Variants in GRM5 observed in about 807,000 individuals in gnomAD.
The protein encoded by GRM5 is glutamate metabotropic receptor 5, also known as metabotropic glutamate receptor 5.
In GRM5, 19 loss-of-function variants were observed where a neutral mutation model predicts 83.1. The ratio of observed to expected loss-of-function variants is 0.23; its 90% CI spans 0.16 to 0.34. The LOEUF is 0.34. Ranked by LOEUF, GRM5 falls within the 10% of genes least tolerant of loss-of-function variation. GRM5 has a pLI of 1.00. For synonymous variants in GRM5, 675 were observed against 633.6 expected, an observed-to-expected ratio of 1.07 and a Z score of -0.98; for missense variants, 1,160 against 1,588.3, an observed-to-expected ratio of 0.73 and a Z score of 4.58.
chr11:89,053,336 T>A (rs1042498222), intron 1 of GRM5, among the ~76,000 whole-genome samples: 9 of 152,088 alleles, frequency 5.9e-5, no homozygotes, highest in Non-Finnish European at 1.2e-4. Flanking sequence ...AATACACTTT[T>A]AAAAAAATCA....
At chr11:88,822,185 T>C (rs1404991986) in intron 3 of GRM5, among the ~76,000 whole-genome samples, 1 of 152,202 alleles carries the variant, frequency 6.6e-6, no homozygotes, top group Non-Finnish European at 1.5e-5. Flanking sequence ...CTGGAATTTA[T>C]ATCTTAGTTG....
At chr11:88,702,845 C>T (rs961512831) in intron 3 of GRM5, among the ~76,000 whole-genome samples, 3 of 152,092 alleles carry the variant, frequency 2.0e-5, no homozygotes, top group Admixed American at 6.6e-5. Context: ...GAGTAGGCAG[C>T]TTGAGGTCAA....
chr11:89,009,158 A>G (rs1456397429), intron 2 of GRM5: 1 of 694,114 alleles, frequency 1.4e-6, no homozygotes, highest in Non-Finnish European at 2.6e-6. Context: ...TTATAAGTTA[A>G]TTTTAAGTGT....
chr11:88,971,282 T>C (rs187710427), intron 2 of GRM5, among the ~76,000 whole-genome samples: 4 of 152,308 alleles, frequency 2.6e-5, no homozygotes, highest in East Asian at 3.9e-4. Flanking sequence ...TAAATTTAAC[T>C]GTTTTTAACT....
At chr11:89,035,424 T>C (rs1419660890) in intron 2 of GRM5, among the ~76,000 whole-genome samples, 3 of 151,876 alleles carry the variant, frequency 2.0e-5, no homozygotes, top group Non-Finnish European at 4.4e-5. Flanking sequence ...AAGTCAAGGA[T>C]TGAAATCCTA....
chr11:88,861,762 C>T (rs1259745225), intron 2 of GRM5, among the ~76,000 whole-genome samples: 3 of 152,136 alleles, frequency 2.0e-5, no homozygotes, highest in Admixed American at 6.6e-5. Context: ...GGATTACAGG[C>T]ATGAGCTACC....
intron 3 of GRM5, among the ~76,000 whole-genome samples, chr11:88,841,077 T>G (rs147499121): frequency 5.9e-5 from 9 of 152,290 alleles, no homozygotes; most frequent in African/African-American, 1.7e-4. Context: ...TAAACCTGAC[T>G]GTATTGTCAA....
At position 88,646,522 on chromosome 11, in the gene GRM5, C is replaced by G. The variant is rs149833690; in HGVS notation, c.1147+6646G>C. Among the ~76,000 whole-genome samples the G allele has an allele frequency of 2.0e-3, 309 of 152,034 alleles. 2 individuals carry two copies. Among genetic ancestry groups the G allele is most frequent in the African/African-American group, 7.1e-3 (295 of 41,530 alleles). ...AAACAAAAATTAACAAGGCTACAAA[C>G]ACTTTAGACATTGTAAGTGACAAGC... On this transcript the variant is annotated intron_variant, in intron 4 of 9. Transcript: ENST00000305447.
intron 2 of GRM5, among the ~76,000 whole-genome samples, chr11:89,028,067 C>T (rs372094741): frequency 1.3e-5 from 2 of 152,168 alleles, no homozygotes; most frequent in East Asian, 1.9e-4. Context: ...ATCTTAGAAT[C>T]ATCAAATCTG....
chr11:88,741,816 G>C lies in GRM5; in HGVS notation c.912-88413C>G, dbSNP rs943583778. ...CTCAAAGTTCTGGTGGTGTGTGTGG[G>C]TGGGAGGGTTAAGAGAGGATTTCCT... On this transcript the variant is annotated intron_variant, in intron 3 of 9. Transcript: ENST00000305447. Among the ~76,000 whole-genome samples the C allele has an allele frequency of 8.5e-5, 13 of 152,146 alleles. No individual in the cohort carries two copies. In the South Asian group the frequency reaches 2.7e-3, roughly 32 times the overall value.
At chr11:88,922,969 G>T (rs1945718964) in intron 2 of GRM5, among the ~76,000 whole-genome samples, 1 of 152,124 alleles carries the variant, frequency 6.6e-6, no homozygotes, top group African/African-American at 2.4e-5. Context: ...ATGAGTAAAT[G>T]AAAGGTTTCT....
At chr11:88,746,218 C>G (rs1286680414) in intron 3 of GRM5, among the ~76,000 whole-genome samples, 2 of 152,040 alleles carry the variant, frequency 1.3e-5, no homozygotes, top group Non-Finnish European at 2.9e-5. Flanking sequence ...ATAGCATCAT[C>G]ATTATTCTTA....
At chr11:88,626,501 C>T (rs567442606) in intron 4 of GRM5, among the ~76,000 whole-genome samples, 82 of 152,212 alleles carry the variant, frequency 5.4e-4, no homozygotes, top group Middle Eastern at 6.8e-3. Flanking sequence ...CTTAGATTTA[C>T]ATTCTTTTAT....
intron 2 of GRM5, among the ~76,000 whole-genome samples, chr11:88,924,543 G>A (rs1331128241): frequency 6.6e-6 from 1 of 151,960 alleles, no homozygotes; most frequent in Non-Finnish European, 1.5e-5. Flanking sequence ...AGTCAAATAA[G>A]CCAGACACAG....
chr11:89,038,444 A>G (rs1941446985), intron 2 of GRM5, among the ~76,000 whole-genome samples: 1 of 152,250 alleles, frequency 6.6e-6, no homozygotes, highest in Admixed American at 6.5e-5. Flanking sequence ...ATTCTGTACC[A>G]TATTGCTTCC....
At chr11:88,583,761 G>C (rs1231399459) in intron 7 of GRM5, among the ~76,000 whole-genome samples, 3 of 152,086 alleles carry the variant, frequency 2.0e-5, no homozygotes, top group African/African-American at 7.2e-5. Context: ...GGCAGGGAAT[G>C]GTGTCCCAGA....
intron 3 of GRM5, among the ~76,000 whole-genome samples, chr11:88,690,004 C>A (rs947574370): frequency 2.0e-5 from 3 of 152,088 alleles, no homozygotes; most frequent in Non-Finnish European, 2.9e-5. Context: ...AATAAACTGT[C>A]CTTTAGGAGC....
chr11:88,672,663 G>A (rs962614427), intron 3 of GRM5, among the ~76,000 whole-genome samples: 4 of 151,800 alleles, frequency 2.6e-5, no homozygotes, highest in Non-Finnish European at 5.9e-5. Context: ...AATGTGATAG[G>A]AGCAAACACT....
At chr11:88,956,532 C>T (rs1590995412) in intron 2 of GRM5, among the ~76,000 whole-genome samples, 2 of 152,154 alleles carry the variant, frequency 1.3e-5, no homozygotes, top group Admixed American at 1.3e-4. Flanking sequence ...ACTGGGCGGG[C>T]GCGGTGGCTC....
Sources: gnomAD v4.1 joint callset for allele counts (sites outside exome capture counted in the v4.1 genomes callset) on GRCh38, gnomAD v4.1.1 for gene constraint, MANE v1.5 for transcripts, NCBI Gene and HGNC (gene_info 2026-07-23, HGNC 2026-07-21) for gene names.